DLGAP1: variants seen among roughly 807,000 people sequenced by gnomAD.
DLGAP1 encodes the protein disks large-associated protein 1.
In DLGAP1, 11 loss-of-function variants were observed where a neutral mutation model predicts 90.8. That is an observed-to-expected ratio of 0.12 (90% CI 0.08 to 0.20). The LOEUF is 0.20. Among genes scored for constraint, DLGAP1 ranks in the 10% least tolerant of loss-of-function variants. DLGAP1 has a pLI of 1.00. For missense variants in DLGAP1, 1,050 were observed against 1,333.8 expected, an observed-to-expected ratio of 0.79 and a Z score of 3.31; for synonymous variants, 558 against 540.7, an observed-to-expected ratio of 1.03 and a Z score of -0.44.
chr18:3,758,252 A>T (rs1026282105), intron 5 of DLGAP1, among the ~76,000 whole-genome samples: 2 of 152,202 alleles, frequency 1.3e-5, no homozygotes, highest in African/African-American at 4.8e-5. Flanking sequence ...AACGTATTCA[A>T]ACCTGACCAA....
intron 4 of DLGAP1, among the ~76,000 whole-genome samples, chr18:3,837,866 A>G (rs1343729720): frequency 1.3e-5 from 2 of 150,020 alleles, no homozygotes; most frequent in African/African-American, 4.9e-5. Context: ...AAAAAAAAAA[A>G]AAAAAAAAAA....
At chr18:3,835,947 T>C (rs1367829848) in intron 4 of DLGAP1, among the ~76,000 whole-genome samples, 2 of 152,208 alleles carry the variant, frequency 1.3e-5, no homozygotes, top group East Asian at 3.8e-4. Flanking sequence ...ATAAAACAAA[T>C]ATAAAGTTGA....
chr18:4,076,029 T>C lies in DLGAP1; in HGVS notation c.-158-70828A>G, dbSNP rs1015329314. ...CTCCCTCTCCCTTTCTCGCTCTCTGTCTGCCAATGCCTATTGCATTTCCTC... is the reference window on the plus strand; with the variant it reads ...CTCCCTCTCCCTTTCTCGCTCTCTGCCTGCCAATGCCTATTGCATTTCCTC... On this transcript the variant is annotated intron_variant, in intron 2 of 12. Coordinates refer to ENST00000315677, the MANE Select transcript of DLGAP1 (RefSeq NM_004746.4). Among the ~76,000 whole-genome samples the C allele has an allele frequency of 2.6e-5, 4 of 152,192 alleles. No homozygotes were observed. In the East Asian group the frequency reaches 7.7e-4, roughly 29 times the overall value.
intron 7 of DLGAP1, among the ~76,000 whole-genome samples, chr18:3,664,214 ACACC>A (rs879859809): frequency 0.071 from 7,133 of 100,934 alleles, 246 homozygotes; most frequent in African/African-American, 0.15. Context: ...ACACACACAC[ACACC>A]CACACACACA....
intron 1 of DLGAP1, among the ~76,000 whole-genome samples, chr18:4,182,559 T>C (rs1394708123): frequency 2.6e-5 from 4 of 152,238 alleles, no homozygotes; most frequent in Non-Finnish European, 5.9e-5. Context: ...CCCACATAAG[T>C]TGGAATTCAA....
intron 7 of DLGAP1, among the ~76,000 whole-genome samples, chr18:3,728,310 A>G (rs1487018934): frequency 8.1e-6 from 1 of 122,954 alleles, no homozygotes; most frequent in Non-Finnish European, 1.6e-5. Context: ...TTATATATAT[A>G]TATATATATA....
At chr18:3,959,693 G>A (rs1015902007) in intron 3 of DLGAP1, among the ~76,000 whole-genome samples, 12 of 151,454 alleles carry the variant, frequency 7.9e-5, no homozygotes, top group Non-Finnish European at 1.6e-4. Flanking sequence ...AAGAAAGAAA[G>A]AAGCACAATG....
chr18:4,170,885 T>C (rs1483269204), intron 1 of DLGAP1, among the ~76,000 whole-genome samples: 4 of 152,300 alleles, frequency 2.6e-5, no homozygotes, highest in African/African-American at 9.6e-5. Context: ...ATGGGGGTTA[T>C]ATACAACTGG....
chr18:4,023,377 A>G (rs1335674239), intron 2 of DLGAP1, among the ~76,000 whole-genome samples: 1 of 152,204 alleles, frequency 6.6e-6, no homozygotes, highest in African/African-American at 2.4e-5. Flanking sequence ...TACAACTGTC[A>G]TGGGTAAACT....
intron 5 of DLGAP1, among the ~76,000 whole-genome samples, chr18:3,765,133 T>C (rs1318032571): frequency 7.3e-6 from 1 of 136,898 alleles, no homozygotes; most frequent in Non-Finnish European, 1.6e-5. Flanking sequence ...TTTTTTTCTT[T>C]TTTTTTTTTT....
chr18:3,858,503 C>CG (rs1568247836), intron 4 of DLGAP1, among the ~76,000 whole-genome samples: 1 of 147,634 alleles, frequency 6.8e-6, no homozygotes, highest in East Asian at 2.0e-4. Context: ...TGTATATATA[C>CG]ATATATATAC....
At chr18:3,528,412 G>T (rs926511428) in intron 10 of DLGAP1, among the ~76,000 whole-genome samples, 15 of 152,222 alleles carry the variant, frequency 9.9e-5, no homozygotes, top group South Asian at 4.1e-4. Flanking sequence ...TCTAGGCCCA[G>T]TTATCAGAAC....
intron 5 of DLGAP1, among the ~76,000 whole-genome samples, chr18:3,787,439 C>G (rs185461953): frequency 1.6e-5 from 2 of 125,434 alleles, no homozygotes; most frequent in Admixed American, 1.1e-4. Flanking sequence ...CAAGATTGCA[C>G]CACTGCACTC....
chr18:4,324,600 T>C (rs1008515829), intron 1 of DLGAP1, among the ~76,000 whole-genome samples: 3 of 151,998 alleles, frequency 2.0e-5, no homozygotes, highest in Non-Finnish European at 4.4e-5. Flanking sequence ...TTGATGAACA[T>C]AGGTGCAAAA....
At chr18:4,041,239 A>G (rs1003716305) in intron 2 of DLGAP1, among the ~76,000 whole-genome samples, 2 of 152,166 alleles carry the variant, frequency 1.3e-5, no homozygotes, top group African/African-American at 2.4e-5. Flanking sequence ...ATTTCCTTGT[A>G]GTTGGTTGAT....
At chr18:4,423,790 G>C (rs2083091239) in intron 1 of DLGAP1, among the ~76,000 whole-genome samples, 1 of 146,574 alleles carries the variant, frequency 6.8e-6, no homozygotes, top group Non-Finnish European at 1.5e-5. Context: ...TGGGAATGGT[G>C]ATACACCTCC....
chr18:4,122,530 G>A (rs1219726425), intron 2 of DLGAP1, among the ~76,000 whole-genome samples: 1 of 152,200 alleles, frequency 6.6e-6, no homozygotes, highest in Non-Finnish European at 1.5e-5. Flanking sequence ...AAGTCCCTGT[G>A]GAACTGTAGT....
chr18:3,502,815 G>C (rs66586243), intron 11 of DLGAP1, among the ~76,000 whole-genome samples, 170 bp from the exon 12 acceptor site: 3 of 152,040 alleles, frequency 2.0e-5, no homozygotes, highest in Non-Finnish European at 2.9e-5. Context: ...ACACTCATCC[G>C]TTTGAGTCAG....
intron 1 of DLGAP1, among the ~76,000 whole-genome samples, chr18:4,409,345 T>A (rs925934598): frequency 6.6e-6 from 1 of 152,152 alleles, no homozygotes; most frequent in Non-Finnish European, 1.5e-5. Context: ...TTTGGAAAAC[T>A]TCCTATGTGG....
Sources: gnomAD v4.1 joint callset for allele counts (sites outside exome capture counted in the v4.1 genomes callset) on GRCh38, gnomAD v4.1.1 for gene constraint, MANE v1.5 for transcripts, NCBI Gene and HGNC (gene_info 2026-07-23, HGNC 2026-07-21) for gene names.